Variants in WDR64 observed in about 807,000 individuals in gnomAD.
WDR64 encodes the protein WD repeat-containing protein 64.
A neutral mutation model predicts 139.3 loss-of-function variants in WDR64; 112 were observed. The observed-to-expected ratio is 0.80, with a 90% CI of 0.69 to 0.94. The LOEUF (loss-of-function observed/expected upper bound fraction) is 0.94. Ranked by LOEUF, WDR64 falls within the 40% of genes least tolerant of loss-of-function variation. The probability of loss-of-function intolerance (pLI) is 0.00; values close to 1 mark genes in which losing one functional copy is unlikely to be tolerated. For missense variants in WDR64, 1,206 were observed against 1,293.1 expected (o/e 0.93, Z 1.03); for synonymous variants, 444 against 437.7 (o/e 1.01, Z -0.18).
chr1:241,682,511 G>A (rs1364817047), intron 6 of WDR64, among the ~76,000 whole-genome samples: 1 of 152,210 alleles, frequency 6.6e-6, no homozygotes, highest in East Asian at 1.9e-4. Context: ...CCAGTACCAT[G>A]CTATTTTGGT....
chr1:241,760,371 C>T (rs1374007029), intron 15 of WDR64, among the ~76,000 whole-genome samples: 9 of 150,810 alleles, frequency 6.0e-5, no homozygotes, highest in South Asian at 2.1e-4. Context: ...AAAAGACTTA[C>T]GATTATTCCA....
At chr1:241,655,705 C>CTT (rs1553359575) in intron 1 of WDR64, among the ~76,000 whole-genome samples, 4 of 28,976 alleles carry the variant, frequency 1.4e-4, no homozygotes, top group African/African-American at 2.1e-4. Flanking sequence ...TTTTTCTTTT[C>CTT]TTTTTTTTTT....
rs549512197 is a variant in WDR64 at position 241,715,836 on chromosome 1, T to A, written c.1054+3955T>A. Among the ~76,000 whole-genome samples, 15 of 152,296 alleles carry A rather than the reference T, an allele frequency of 9.8e-5. 1 individual carries two copies. The South Asian group carries it at 2.7e-3, about 27-fold the overall frequency. On this transcript the variant is annotated intron_variant, in intron 9 of 27. Coordinates refer to ENST00000437684, the MANE Select transcript of WDR64 (RefSeq NM_001367482.1). Reference sequence around the variant, plus strand: ...ATTTCTGGGGGAAAAATGTGTTTGGTAAAGTTTTAGGACTTAAACCACTTC... The same window carrying A: ...ATTTCTGGGGGAAAAATGTGTTTGGAAAAGTTTTAGGACTTAAACCACTTC...
chr1:241,760,579 A>AT (rs1446774709), intron 15 of WDR64, among the ~76,000 whole-genome samples: 4 of 150,874 alleles, frequency 2.7e-5, no homozygotes, highest in African/African-American at 9.7e-5. Flanking sequence ...CTTTTAAAAC[A>AT]TTAGAAGGAA....
Position 241,750,299 on chromosome 1 carries a change from A to G in WDR64, c.1770+577A>G, listed in dbSNP as rs1669930708. Among the ~76,000 whole-genome samples, 3 of 152,180 alleles carry G rather than the reference A, an allele frequency of 2.0e-5. No individual in the cohort carries two copies. The South Asian group carries it at 6.2e-4, about 31-fold the overall frequency. On this transcript the variant is annotated intron_variant, in intron 14 of 27. Transcript: ENST00000437684. ...GAAGACTAGATCATTTATCCTGGCT[A>G]TTGAGCGGATCTCACCCCATCACCT...
chr1:241,739,047 G>A (rs1669434561), intron 11 of WDR64, among the ~76,000 whole-genome samples: 2 of 152,128 alleles, frequency 1.3e-5, no homozygotes, highest in South Asian at 4.1e-4. Context: ...TTCTGATAAC[G>A]AGTCACTACT....
At chr1:241,784,953 G>GGATAAAAAAAA (rs766802128) in intron 23 of WDR64, among the ~76,000 whole-genome samples, 1 of 62,250 alleles carries the variant, frequency 1.6e-5, no homozygotes, top group Non-Finnish European at 3.1e-5. Flanking sequence ...GACTCTGTCT[G>GGATAAAAAAAA]AAAAAAAAAA....
intron 27 of WDR64, among the ~76,000 whole-genome samples, chr1:241,800,112 AAG>A (rs911305280): frequency 2.0e-4 from 30 of 152,182 alleles, no homozygotes; most frequent in African/African-American, 7.0e-4. Context: ...GAAAAAGAAA[AAG>A]AGAAAATAAA....
At chr1:241,717,263 C>G (rs996351865) in intron 9 of WDR64, among the ~76,000 whole-genome samples, 1 of 152,096 alleles carries the variant, frequency 6.6e-6, no homozygotes, top group Non-Finnish European at 1.5e-5. Flanking sequence ...TGTCTCCCTC[C>G]GGAGCACATA....
chr1:241,689,757 G>C (rs1368543321), intron 8 of WDR64, among the ~76,000 whole-genome samples: 4 of 152,128 alleles, frequency 2.6e-5, no homozygotes, highest in Non-Finnish European at 5.9e-5. Context: ...TGTAAACAGA[G>C]AGATGAAAAT....
chr1:241,762,577 A>G (rs958806901), intron 15 of WDR64, among the ~76,000 whole-genome samples: 3 of 152,152 alleles, frequency 2.0e-5, no homozygotes, highest in Admixed American at 2.0e-4. Context: ...CTAATATTAT[A>G]GTACTCTAAT....
intron 18 of WDR64, among the ~76,000 whole-genome samples, chr1:241,770,904 T>G (rs2148299539): frequency 6.6e-6 from 1 of 152,336 alleles, no homozygotes; most frequent in South Asian, 2.1e-4. Context: ...TTTTTATATA[T>G]TTTTTCAAAG....
chr1:241,717,820 T>C (rs1668462633), intron 9 of WDR64, among the ~76,000 whole-genome samples: 4 of 152,166 alleles, frequency 2.6e-5, no homozygotes, highest in African/African-American at 9.7e-5. Flanking sequence ...ATTTCATATA[T>C]CTGTGTATCA....
rs141549635 is a variant in WDR64 at position 241,801,138 on chromosome 1, C to T, written c.3199C>T (p.Arg1067Ter). 56 of 1,612,968 alleles carry T rather than the reference C, an allele frequency of 3.5e-5. No homozygotes were observed. The highest frequency in any genetic ancestry group is 4.6e-5 in the Non-Finnish European group (54 of 1,179,448). ...CATGCTCTTTATTTCACAGGCACCA[C>T]GAAGAAGAAGTTTGAAAAAAAATTT... ...GGHVQREKAP[R>*]RRSLKKNLVP... Residue 1067 changes from arginine (R) to a stop codon, truncating the protein, a stop_gained, in exon 28 of 28, where the codon CGA becomes TGA. Coordinates refer to ENST00000437684, the MANE Select transcript of WDR64 (RefSeq NM_001367482.1). LOFTEE classifies it high-confidence loss of function.
intron 3 of WDR64, 34 bp downstream of exon 3, chr1:241,671,210 G>A (rs1483837866): frequency 1.5e-6 from 2 of 1,356,440 alleles, no homozygotes; most frequent in Middle Eastern, 1.9e-4. Flanking sequence ...AAATTAGTAT[G>A]AGTTTTAATA....
intron 21 of WDR64, among the ~76,000 whole-genome samples, chr1:241,776,651 A>C (rs537215368): frequency 2.1e-4 from 32 of 152,344 alleles, no homozygotes; most frequent in Admixed American, 2.0e-3. Context: ...TTCTTTTTAC[A>C]GAAAACTTGT....
chr1:241,701,469 A>G (rs1214503478), intron 8 of WDR64, among the ~76,000 whole-genome samples: 2 of 152,220 alleles, frequency 1.3e-5, no homozygotes, highest in African/African-American at 4.8e-5. Flanking sequence ...GTGAACACTT[A>G]GATTATCTAG....
intron 15 of WDR64, among the ~76,000 whole-genome samples, chr1:241,760,810 A>T (rs1222689684): frequency 7.6e-6 from 1 of 130,930 alleles, no homozygotes; most frequent in Non-Finnish European, 1.5e-5. Flanking sequence ...CTTTCGCCCA[A>T]GCTGGACTGC....
At position 241,766,477 on chromosome 1, in the gene WDR64, G is replaced by A. The variant is rs566615236; in HGVS notation, c.2081+126G>A. On this transcript the variant is annotated intron_variant, in intron 16 of 27. Transcript: ENST00000437684. ...TGTAAACCCAGAACTTTGGGAGGAG[G>A]ATCACTTAAGGCCAGGAGTTCGAGA... 9 of 1,049,780 alleles carry A rather than the reference G, an allele frequency of 8.6e-6. No homozygotes were observed. The South Asian group carries it at 1.1e-4, about 13-fold the overall frequency. The allele number at this position is 1,049,780 out of a possible 1,614,324, so 65.0% of individuals were successfully genotyped here.
Sources: allele counts gnomAD v4.1 joint callset (sites outside exome capture counted in the v4.1 genomes callset), GRCh38; gene constraint gnomAD v4.1.1; transcripts MANE v1.5; gene names NCBI Gene and HGNC (gene_info 2026-07-23, HGNC 2026-07-21).